Variants in DDX60 observed in about 807,000 individuals in gnomAD.
The protein encoded by DDX60 is probable ATP-dependent RNA helicase DDX60.
DDX60 carries 165 observed loss-of-function variants against 212.8 expected under a neutral mutation model. The ratio of observed to expected loss-of-function variants is 0.78; its 90% confidence interval spans 0.68 to 0.88. DDX60 has a LOEUF of 0.88. DDX60 is among the 40% of genes least tolerant of loss of function. DDX60 has a pLI of 0.00. For synonymous variants in DDX60, 703 were observed against 685.3 expected, an observed-to-expected ratio of 1.03 and a Z score of -0.40; for missense variants, 1,905 against 2,003.9, an observed-to-expected ratio of 0.95 and a Z score of 0.94.
intron 10 of DDX60, 84 bp from the exon 11 acceptor site, chr4:168,285,582 C>A: frequency 1.3e-6 from 1 of 796,722 alleles, no homozygotes; most frequent in Non-Finnish European, 2.0e-6. Context: ...TCTAAAACTT[C>A]ATATTAAAAA....
chr4:168,256,009 C>T (rs187485309), intron 25 of DDX60, 140 bp from the exon 26 acceptor site: 30 of 817,206 alleles, frequency 3.7e-5, no homozygotes, highest in Middle Eastern at 3.6e-4. Context: ...CCAGAATGTG[C>T]ACACCAGGTG....
chr4:168,285,407 C>A lies in DDX60; in HGVS notation c.1431G>T (p.Leu477Phe). 6.2e-7 allele frequency: 1 copy of A among 1,609,088 alleles called. No individual in the cohort carries two copies. The highest frequency in any genetic ancestry group is 8.5e-7 in the Non-Finnish European group (1 of 1,177,966). Residue 477 changes from leucine to phenylalanine, a missense_variant, in exon 11 of 38, where the codon TTG becomes TTT. Transcript: ENST00000393743. ...TGGCCTTATACCTCTTTAGAAAAGG[C>A]AAATCTTTCAAAATATCTCCAGCAA... ...DKFAGDILKD[L>F]PFLKSDDPIV...
chr4:168,269,425 C>T (rs1042237445), intron 19 of DDX60, among the ~76,000 whole-genome samples: 3 of 151,940 alleles, frequency 2.0e-5, no homozygotes, highest in Non-Finnish European at 2.9e-5. Flanking sequence ...AGTGAAACCC[C>T]GTCTCCACTA....
chr4:168,243,336 A>T (rs562320881), intron 30 of DDX60, among the ~76,000 whole-genome samples: 1 of 152,334 alleles, frequency 6.6e-6, no homozygotes, highest in Non-Finnish European at 1.5e-5. Flanking sequence ...CAAACAACCT[A>T]CAGAATGGGA....
intron 28 of DDX60, among the ~76,000 whole-genome samples, chr4:168,248,789 C>T (rs1372867662): frequency 5.4e-5 from 8 of 146,950 alleles, no homozygotes; most frequent in Admixed American, 3.4e-4. Flanking sequence ...GACGGAGTTT[C>T]GCTCTTGTCG....
chr4:168,255,072 A>G (rs1366315727), intron 26 of DDX60, among the ~76,000 whole-genome samples: 2 of 152,174 alleles, frequency 1.3e-5, no homozygotes, highest in Non-Finnish European at 2.9e-5. Flanking sequence ...AAGGCTCTCA[A>G]GTCCAAAAAA....
At chr4:168,300,337 C>T (rs1216190861) in intron 6 of DDX60, among the ~76,000 whole-genome samples, 1 of 152,034 alleles carries the variant, frequency 6.6e-6, no homozygotes, top group Non-Finnish European at 1.5e-5. Flanking sequence ...TTCAGTAGTT[C>T]AAGACCAGCC....
rs1733170874 is a variant in DDX60, at chr4:168,224,293, G to A, written c.4774C>T (p.Leu1592=). 6.2e-7 allele frequency: 1 copy of A among 1,612,414 alleles called. No homozygotes were observed. Among genetic ancestry groups the A allele is most frequent in the South Asian group, 1.1e-5 (1 of 91,030 alleles). ...AAATCATCATCAAAGTTCCCAGACA[G>A]ACAAACAAATGGTGAAATTGCTACT... is the stretch of plus-strand genomic sequence containing the variant. ...GRVAISPFVC[L]SGNFDDDLLR... is the part of the protein sequence containing the mutation. Residue 1592 remains leucine, a synonymous_variant, in exon 35 of 38, where the codon CTG becomes TTG. Coordinates refer to ENST00000393743, the MANE Select transcript of DDX60 (RefSeq NM_017631.6).
intron 30 of DDX60, among the ~76,000 whole-genome samples, chr4:168,239,737 T>C (rs937334392): frequency 1.3e-5 from 2 of 152,042 alleles, no homozygotes; most frequent in Admixed American, 1.3e-4. Context: ...GGGGTGTTCA[T>C]GAAGCAGGTA....
Position 168,306,563 on chromosome 4 carries a change from T to C in DDX60, c.422A>G (p.Tyr141Cys), listed in dbSNP as rs1303585572. ...GCCTTCGTCTGCAACTATCAGGAAATATGGGTAACTCTCTTCCAAGAAACT... is the reference window on the plus strand; with the variant it reads ...GCCTTCGTCTGCAACTATCAGGAAACATGGGTAACTCTCTTCCAAGAAACT... ...WGSFLEESYP[Y>C]FLIVADEGLN... Residue 141 changes from tyrosine to cysteine, a missense_variant, in exon 5 of 38, where the codon TAT (tyrosine) becomes TGT (cysteine). By Grantham distance (194) the Tyr-to-Cys change is radical. Coordinates refer to ENST00000393743, the MANE Select transcript of DDX60 (RefSeq NM_017631.6). The C allele has an allele frequency of 1.2e-6, 2 of 1,614,128 alleles. No homozygotes were observed. The highest frequency in any genetic ancestry group is 1.1e-5 in the South Asian group (1 of 91,082).
Position 168,273,149 on chromosome 4 carries a change from T to C in DDX60, c.2574+130A>G, listed in dbSNP as rs576664500. 6.3e-6 allele frequency: 6 copies of C among 958,174 alleles called. No individual in the cohort carries two copies. In the African/African-American group the frequency reaches 1.0e-4, roughly 16 times the overall value. The allele number at this position is 958,174 out of a possible 1,614,324, so 59.4% of individuals were successfully genotyped here. A position where few individuals can be genotyped will look rare whatever the true frequency, so the allele number is the denominator to read the frequency against. Reference sequence around the variant, plus strand: ...AACAATATTACATTTTTTCTAAAAGTATTTTGTCTTTCATAAATTCAAATA... The same window carrying C: ...AACAATATTACATTTTTTCTAAAAGCATTTTGTCTTTCATAAATTCAAATA... On this transcript the variant is annotated intron_variant, in intron 18 of 37. Transcript: ENST00000393743.
At chr4:168,231,468 A>C (rs1017479574) in intron 33 of DDX60, among the ~76,000 whole-genome samples, 3 of 152,104 alleles carry the variant, frequency 2.0e-5, no homozygotes, top group Non-Finnish European at 4.4e-5. Flanking sequence ...ACCCTCAACA[A>C]AATACTAGCA....
chr4:168,269,525 C>T (rs1267224105), intron 19 of DDX60, among the ~76,000 whole-genome samples: 5 of 151,888 alleles, frequency 3.3e-5, no homozygotes, highest in Non-Finnish European at 4.4e-5. Context: ...GGCGTGAACC[C>T]GGAAGGCAGA....
chr4:168,242,088 A>G (rs561343057), intron 30 of DDX60, among the ~76,000 whole-genome samples: 6 of 152,320 alleles, frequency 3.9e-5, no homozygotes, highest in African/African-American at 1.4e-4. Context: ...CGTGGTGTTG[A>G]GCATGACAGT....
chr4:168,268,158 CT>C (rs1734932831), intron 20 of DDX60, among the ~76,000 whole-genome samples, 175 bp from the exon 21 acceptor site: 1 of 152,080 alleles, frequency 6.6e-6, no homozygotes, highest in African/African-American at 2.4e-5. Flanking sequence ...AGCTGTGTCT[CT>C]TGGTTGAATA....
At chr4:168,258,241 C>G (rs1306728140) in intron 25 of DDX60, among the ~76,000 whole-genome samples, 1 of 152,214 alleles carries the variant, frequency 6.6e-6, no homozygotes. Flanking sequence ...TTAATTCTCA[C>G]TCCAATCCTT....
chr4:168,217,124 C>T (rs1244030459), intron 37 of DDX60, 92 bp from the exon 38 acceptor site: 2 of 732,016 alleles, frequency 2.7e-6, no homozygotes, highest in Non-Finnish European at 4.5e-6. Context: ...TAAGGAAATC[C>T]CATCAGATGA....
At chr4:168,284,659 A>G (rs1177227435) in intron 12 of DDX60, among the ~76,000 whole-genome samples, 161 bp downstream of exon 12, 2 of 152,170 alleles carry the variant, frequency 1.3e-5, no homozygotes, top group Non-Finnish European at 2.9e-5. Context: ...AGAGAGAGAG[A>G]ATTTTTCATT....
At chr4:168,307,331 T>C (rs1230157114) in intron 4 of DDX60, among the ~76,000 whole-genome samples, 2 of 152,236 alleles carry the variant, frequency 1.3e-5, no homozygotes, top group Non-Finnish European at 2.9e-5. Context: ...GTGGTAGTGG[T>C]TATGCATATC....
Sources: allele counts gnomAD v4.1 joint callset (sites outside exome capture counted in the v4.1 genomes callset), GRCh38; gene constraint gnomAD v4.1.1; transcripts MANE v1.5; gene names NCBI Gene and HGNC (gene_info 2026-07-23, HGNC 2026-07-21).